Variants in CAD observed in about 807,000 individuals in gnomAD.
CAD encodes the protein multifunctional protein CAD.
Under a neutral mutation model 237.2 loss-of-function variants are expected in CAD, and 81 were observed. The observed-to-expected ratio is 0.34, with a 90% CI of 0.29 to 0.41. The LOEUF is 0.41. Among genes scored for constraint, CAD ranks in the 10% least tolerant of loss-of-function variants. CAD has a pLI of 1.00. For synonymous variants in CAD, 1,196 were observed against 1,162.8 expected (o/e 1.03, Z -0.58); for missense variants, 2,181 against 2,951.7 (o/e 0.74, Z 6.05).
In CAD at chr2:27,223,815, G is replaced by T. The variant is rs1168347273; in HGVS notation, c.995+67G>T. The T allele has an allele frequency of 3.2e-6, 5 of 1,578,624 alleles. No homozygotes were observed. The African/African-American group carries it at 6.7e-5, about 21-fold the overall frequency. On this transcript the variant is annotated intron_variant, in intron 7 of 43. Coordinates refer to ENST00000264705, the MANE Select transcript of CAD (RefSeq NM_004341.5). ...TGGGCCTTGATGATGGAAAAGTAAA[G>T]CACGGCAGTGGATCCGAGTCCCCTG...
Position 27,236,592 on chromosome 2 carries a change from AGTATGGAACAGCCAT to A in CAD, c.4314+71_4314+85del. ...TGGGAAGAAGAAAGAGGGAGGAGTG[AGTATGGAACAGCCAT>A]GCTAGTAATAAAGCTTTGTGGCTAC... On this transcript the variant is annotated intron_variant, in intron 26 of 43. Coordinates refer to ENST00000264705, the MANE Select transcript of CAD (RefSeq NM_004341.5). The surrounding 1 kb of genome is among the most constrained non-coding windows in gnomAD (Gnocchi z 4.1). 1 of 1,589,912 alleles carries A rather than the reference AGTATGGAACAGCCAT, an allele frequency of 6.3e-7. No homozygotes were observed. The highest frequency in any genetic ancestry group is 8.6e-7 in the Non-Finnish European group (1 of 1,165,210).
rs112709730 is a variant in CAD at position 27,225,550 on chromosome 2, C to CCCG, written c.1621-153_1621-152insGCC. The stretch of plus-strand genomic sequence containing the variant: ...CGAACTCCTGACCTCAGGTGATCCA[C>CCCG]CCCCCCGACCCTCGGCCTCCCAAAT... On this transcript the variant is annotated intron_variant, in intron 11 of 43. Transcript: ENST00000264705. Among the ~76,000 whole-genome samples the CCCG allele has an allele frequency of 1.3e-4, 9 of 67,722 alleles. No homozygotes were observed. The African/African-American group carries it at 1.6e-3, about 12-fold the overall frequency. 44.4% of individuals were successfully genotyped at this position (67,722 alleles called of 152,430 possible). A position where few individuals can be genotyped will look rare whatever the true frequency, so the allele number is the denominator to read the frequency against.
Position 27,242,403 on chromosome 2 carries a change from G to C in CAD, c.6198G>C (p.Glu2066Asp). Reference protein sequence around the residue: ...ALLDIFTIREELGTVNGMTIT... With the variant: ...ALLDIFTIREDLGTVNGMTIT... ...TGGACATCTTCACCATCCGTGAGGA[G>C]CTGGGAACTGTCAATGGCATGACGG... The change falls in exon 40 of 44, where the codon GAG (glutamate) becomes GAC (aspartate). Residue 2066 changes from glutamate to aspartate, a missense_variant. Coordinates refer to ENST00000264705, the MANE Select transcript of CAD (RefSeq NM_004341.5). This position sits in a 1 kb window ranked among gnomAD's most constrained non-coding sequence, Gnocchi z 6.4. 6.2e-7 allele frequency: 1 copy of C among 1,614,018 alleles called. No individual in the cohort carries two copies. The highest frequency in any genetic ancestry group is 1.1e-5 in the South Asian group (1 of 91,052).
At chr2:27,224,656 G>A in intron 9 of CAD, 89 bp from the exon 10 acceptor site, 1 of 1,567,032 alleles carries the variant, frequency 6.4e-7, no homozygotes, top group South Asian at 1.1e-5. Context: ...AAGAGTACAG[G>A]GAGGGAAAGA....
chr2:27,242,272 CAA>C lies in CAD; in HGVS notation c.6097-27_6097-26del, dbSNP rs764631596. 6.3e-7 allele frequency: 1 copy of C among 1,596,906 alleles called. No individual in the cohort carries two copies. Among genetic ancestry groups the C allele is most frequent in the Admixed American group, 1.7e-5 (1 of 58,988 alleles). ...TGGCAGTTGGGGGGCCTCTGAGCTG[CAA>C]AAGACAGGATTTTCCCCTTTTTTCC... is the stretch of plus-strand genomic sequence containing the variant. On this transcript the variant is annotated intron_variant, in intron 39 of 43. Coordinates refer to ENST00000264705, the MANE Select transcript of CAD (RefSeq NM_004341.5). This position sits in a 1 kb window ranked among gnomAD's most constrained non-coding sequence, Gnocchi z 6.4.
intron 15 of CAD, among the ~76,000 whole-genome samples, chr2:27,228,574 C>T (rs1675555356): frequency 6.6e-6 from 1 of 151,898 alleles, no homozygotes; most frequent in African/African-American, 2.4e-5. Context: ...GGGTGCCAGG[C>T]TAAGACCCTG....
Position 27,222,987 on chromosome 2 carries a change from GGGACACCAGCTATT to G in CAD, c.762_775del (p.His255LeufsTer18). On this transcript the variant is annotated frameshift_variant, in exon 6 of 44. Transcript: ENST00000264705. LOFTEE classifies it high-confidence loss of function. Reference sequence around the variant, plus strand: ...CCCGACCTGTCTTTGGGATCTGCCTGGGACACCAGCTATTGGCCTTAGCCATTGGGGCCAAGACT... The same window carrying G: ...CCCGACCTGTCTTTGGGATCTGCCTGGGCCTTAGCCATTGGGGCCAAGACT... 1 of 1,614,178 alleles carries G rather than the reference GGGACACCAGCTATT, an allele frequency of 6.2e-7. No homozygotes were observed. Among genetic ancestry groups the G allele is most frequent in the Non-Finnish European group, 8.5e-7 (1 of 1,180,020 alleles).
In CAD at chr2:27,235,960, C is replaced by T; in HGVS notation, c.4074+320C>T. ...AGTAAGCTATATTCCATGCAGAAAGCAGAATACACAGGAAGCAAAGAGAAA... is the reference window on the plus strand; with the variant it reads ...AGTAAGCTATATTCCATGCAGAAAGTAGAATACACAGGAAGCAAAGAGAAA... On this transcript the variant is annotated intron_variant, in intron 25 of 43. Coordinates refer to ENST00000264705, the MANE Select transcript of CAD (RefSeq NM_004341.5). The surrounding 1 kb of genome is among the most constrained non-coding windows in gnomAD (Gnocchi z 5.2). 4.1e-6 allele frequency: 2 copies of T among 486,746 alleles called. No individual in the cohort carries two copies. Among genetic ancestry groups the T allele is most frequent in the Non-Finnish European group, 7.3e-6 (2 of 274,108 alleles). 30.2% of individuals were successfully genotyped at this position (486,746 alleles called of 1,614,324 possible).
In CAD at chr2:27,239,082, A is replaced by G. The variant is rs1211877025; in HGVS notation, c.5103A>G (p.Pro1701=). The change falls in exon 32 of 44, where the codon CCA becomes CCG. Residue 1701 remains proline (P), a synonymous_variant. Transcript: ENST00000264705. The surrounding 1 kb of genome is among the most constrained non-coding windows in gnomAD (Gnocchi z 4.0). ...TLEEKCGSRP[P]PGFPGLETML... ...AGGAGAAGTGTGGGTCCAGGCCCCC[A>G]CCTGGGTTCCCAGGGTTAGAGACCA... The G allele has an allele frequency of 1.3e-6, 2 of 1,597,936 alleles. No individual in the cohort carries two copies. The highest frequency in any genetic ancestry group is 1.7e-6 in the Non-Finnish European group (2 of 1,172,854).
At chr2:27,225,655 C>T (rs752494419) in intron 11 of CAD, 50 bp from the exon 12 acceptor site, 17 of 1,380,886 alleles carry the variant, frequency 1.2e-5, no homozygotes, top group Non-Finnish European at 1.7e-5. Context: ...ACAGGCACAC[C>T]TTGGACAGTA....
rs200932050 is a variant in CAD, at chr2:27,222,505, C to G, written c.496-14C>G. The G allele has an allele frequency of 1.2e-6, 2 of 1,611,876 alleles. No homozygotes were observed. Among genetic ancestry groups the G allele is most frequent in the Non-Finnish European group, 1.7e-6 (2 of 1,178,184 alleles). ...CAGCTGCCAACTGTTGCCCTTTATTCGTCTATTTCTCAGACTCCACGGGTA... is the reference window on the plus strand; with the variant it reads ...CAGCTGCCAACTGTTGCCCTTTATTGGTCTATTTCTCAGACTCCACGGGTA... On this transcript the variant is annotated splice_polypyrimidine_tract_variant and intron_variant, in intron 4 of 43. Coordinates refer to ENST00000264705, the MANE Select transcript of CAD (RefSeq NM_004341.5).
chr2:27,232,941 G>A lies in CAD; in HGVS notation c.2893-101G>A. 2 of 870,920 alleles carry A rather than the reference G, an allele frequency of 2.3e-6. No homozygotes were observed. The highest frequency in any genetic ancestry group is 3.8e-5 in the Admixed American group (2 of 52,896). 53.9% of individuals were successfully genotyped at this position (870,920 alleles called of 1,614,324 possible). On this transcript the variant is annotated intron_variant, in intron 18 of 43. Coordinates refer to ENST00000264705, the MANE Select transcript of CAD (RefSeq NM_004341.5). This position sits in a 1 kb window ranked among gnomAD's most constrained non-coding sequence, Gnocchi z 4.1. ...CAGCTCTTTCAGAGGAAGCTGTGCT[G>A]GCAGTCTCTGAAGTAGGGGCTTTGG...
chr2:27,235,528 G>T lies in CAD; in HGVS notation c.3970-8G>T. On this transcript the variant is annotated splice_polypyrimidine_tract_variant and splice_region_variant and intron_variant, in intron 24 of 43. Transcript: ENST00000264705. This position sits in a 1 kb window ranked among gnomAD's most constrained non-coding sequence, Gnocchi z 5.2. ...AGAAAACAATTTCATCCTTCTGTTT[G>T]GTTTCAGAACAAAAGCGAGCTGCTC... The T allele has an allele frequency of 6.2e-7, 1 of 1,613,888 alleles. No individual in the cohort carries two copies. The highest frequency in any genetic ancestry group is 8.5e-7 in the Non-Finnish European group (1 of 1,179,830).
chr2:27,236,592 A>AGT lies in CAD; in HGVS notation c.4314+70_4314+71dup. The AGT allele has an allele frequency of 6.3e-7, 1 of 1,589,912 alleles. No homozygotes were observed. Among genetic ancestry groups the AGT allele is most frequent in the Non-Finnish European group, 8.6e-7 (1 of 1,165,210 alleles). On this transcript the variant is annotated intron_variant, in intron 26 of 43. Transcript: ENST00000264705. The surrounding 1 kb of genome is among the most constrained non-coding windows in gnomAD (Gnocchi z 4.1). ...TGGGAAGAAGAAAGAGGGAGGAGTGAGTATGGAACAGCCATGCTAGTAATA... is the reference window on the plus strand; with the variant it reads ...TGGGAAGAAGAAAGAGGGAGGAGTGAGTGTATGGAACAGCCATGCTAGTAATA...
rs370428176 is a variant in CAD at position 27,217,945 on chromosome 2, G to A, written c.151G>A (p.Val51Met). ...TCCCTCCTACAAGGCACAGATCTTA[G>A]TGCTCACCTATCCTCTGATCGGCAA... ...TDPSYKAQIL[V>M]LTYPLIGNYG... The change falls in exon 2 of 44, where the codon GTG (valine) becomes ATG (methionine). Residue 51 changes from valine (V) to methionine (M), a missense_variant. This residue lies in a region of CAD where 314 missense variants were observed against 339.4 expected (regional missense o/e 0.93). Coordinates refer to ENST00000264705, the MANE Select transcript of CAD (RefSeq NM_004341.5). 36 of 1,613,230 alleles carry A rather than the reference G, an allele frequency of 2.2e-5. No individual in the cohort carries two copies. Among genetic ancestry groups the A allele is most frequent in the Non-Finnish European group, 2.8e-5 (33 of 1,179,610 alleles).
At position 27,241,513 on chromosome 2, in the gene CAD, T is replaced by C. The variant is rs910288874; in HGVS notation, c.5883+117T>C. Reference sequence around the variant, plus strand: ...CTCCCCCTGCCATCCCGTCCCCTTATGCTAGTCCATCCCTCTGCTGCTGTA... The same window carrying C: ...CTCCCCCTGCCATCCCGTCCCCTTACGCTAGTCCATCCCTCTGCTGCTGTA... On this transcript the variant is annotated intron_variant, in intron 38 of 43. Transcript: ENST00000264705. This position sits in a 1 kb window ranked among gnomAD's most constrained non-coding sequence, Gnocchi z 4.6. 4.3e-6 allele frequency: 4 copies of C among 937,974 alleles called. No individual in the cohort carries two copies. The highest frequency in any genetic ancestry group is 3.0e-4 in the Middle Eastern group (1 of 3,304). 58.1% of individuals were successfully genotyped at this position (937,974 alleles called of 1,614,324 possible). A position where few individuals can be genotyped will look rare whatever the true frequency, so the allele number is the denominator to read the frequency against.
In CAD at chr2:27,242,999, C is replaced by G. The variant is rs756611761; in HGVS notation, c.6480+26C>G. 83 of 1,555,910 alleles carry G rather than the reference C, an allele frequency of 5.3e-5. No homozygotes were observed. The highest frequency in any genetic ancestry group is 7.1e-5 in the Non-Finnish European group (81 of 1,137,302). ...GTGAGTGCTGGGCTTGAGGAAGAAG[C>G]CAGGGCTGCTGCCGTAGGGCATCAG... On this transcript the variant is annotated intron_variant, in intron 42 of 43. Transcript: ENST00000264705. This position sits in a 1 kb window ranked among gnomAD's most constrained non-coding sequence, Gnocchi z 6.4.
chr2:27,240,963 T>A lies in CAD; in HGVS notation c.5638+8T>A. On this transcript the variant is annotated splice_region_variant and intron_variant, in intron 36 of 43. Transcript: ENST00000264705. This position sits in a 1 kb window ranked among gnomAD's most constrained non-coding sequence, Gnocchi z 4.6. ...GGAAGGTAGCCGAGCCAGGTGAGAC[T>A]CCACCCTGACACACACTCACCTCGG... 1 of 1,613,962 alleles carries A rather than the reference T, an allele frequency of 6.2e-7. No individual in the cohort carries two copies. The highest frequency in any genetic ancestry group is 8.5e-7 in the Non-Finnish European group (1 of 1,179,950).
chr2:27,239,431 G>C lies in CAD; in HGVS notation c.5354G>C (p.Arg1785Pro), dbSNP rs750293336. The change falls in exon 33 of 44, where the codon CGT (arginine) becomes CCT (proline). Residue 1785 changes from arginine to proline, a missense_variant. Arg to Pro is a moderately radical substitution (Grantham distance 103, BLOSUM62 -2). This residue lies in a region of CAD where 478 missense variants were observed against 515.0 expected (regional missense o/e 0.93). Coordinates refer to ENST00000264705, the MANE Select transcript of CAD (RefSeq NM_004341.5). This position sits in a 1 kb window ranked among gnomAD's most constrained non-coding sequence, Gnocchi z 4.0. ...EGQKVKGTVRRVVLRGEVAYI... is the reference protein window; with the variant it reads ...EGQKVKGTVRPVVLRGEVAYI... ...CAGAAAGTGAAGGGCACCGTCCGCC[G>C]TGTGGTCCTGCGAGGGGAGGTTGCC... The C allele has an allele frequency of 6.2e-7, 1 of 1,613,902 alleles. No homozygotes were observed. Among genetic ancestry groups the C allele is most frequent in the Non-Finnish European group, 8.5e-7 (1 of 1,179,942 alleles).
Sources: allele counts gnomAD v4.1 joint callset (sites outside exome capture counted in the v4.1 genomes callset), GRCh38; gene constraint gnomAD v4.1.1; regional missense constraint gnomAD v4.1.1; non-coding constraint Gnocchi (gnomAD v3.1); transcripts MANE v1.5; gene names NCBI Gene and HGNC (gene_info 2026-07-23, HGNC 2026-07-21).